The following SLC1A2 variants were observed in gnomAD, a reference collection of about 807,000 sequenced individuals.
The protein encoded by SLC1A2 is excitatory amino acid transporter 2.
SLC1A2 carries 15 observed loss-of-function variants against 48.8 expected under a neutral mutation model. The observed-to-expected ratio is 0.31, with a 90% CI of 0.21 to 0.47. The LOEUF (loss-of-function observed/expected upper bound fraction) is 0.47. Among genes scored for constraint, SLC1A2 ranks in the 20% least tolerant of loss-of-function variants. SLC1A2 has a pLI of 0.99. For missense variants in SLC1A2, 502 were observed against 730.5 expected, an observed-to-expected ratio of 0.69 and a Z score of 3.61; for synonymous variants, 279 against 272.6, an observed-to-expected ratio of 1.02 and a Z score of -0.23.
At chr11:35,398,804 C>T (rs949508140) in intron 1 of SLC1A2, among the ~76,000 whole-genome samples, 2 of 152,196 alleles carry the variant, frequency 1.3e-5, no homozygotes, top group Non-Finnish European at 2.9e-5. Context: ...GTAAAGGCTA[C>T]TCAAATACAT....
intron 1 of SLC1A2, among the ~76,000 whole-genome samples, chr11:35,378,332 C>T (rs1173020706): frequency 6.6e-6 from 1 of 152,250 alleles, no homozygotes; most frequent in African/African-American, 2.4e-5. Context: ...GACACCAGGG[C>T]CCTGCCTCCT....
In SLC1A2 at chr11:35,265,659, C is replaced by G; in HGVS notation, c.1521G>C (p.Gln507His). ...TTTCAATATCTTCATGCACTCGATG[C>G]TGGGAGTCAATGGTATCCAGCTCAG... ...SKSELDTIDSQHRVHEDIEMT... is the reference protein window; with the variant it reads ...SKSELDTIDSHHRVHEDIEMT... Residue 507 changes from glutamine (Q) to histidine (H), a missense_variant, in exon 10 of 11, where the codon CAG becomes CAC. Physicochemically the swap from Gln to His is conservative, Grantham distance 24 (BLOSUM62 0). Around this residue, in one of 4 missense-constraint regions of SLC1A2, gnomAD observed 102 missense variants for 107.2 expected, o/e 0.95. Transcript: ENST00000278379. 3.7e-6 allele frequency: 6 copies of G among 1,613,376 alleles called. No homozygotes were observed. Among genetic ancestry groups the G allele is most frequent in the Non-Finnish European group, 5.1e-6 (6 of 1,179,306 alleles).
chr11:35,265,801 T>C (rs370187837), intron 9 of SLC1A2, 43 bp from the exon 10 acceptor site: 3 of 1,279,284 alleles, frequency 2.3e-6, no homozygotes, highest in Non-Finnish European at 2.3e-6. Context: ...GAAGCAGTAT[T>C]ATGTGGTAGT....
At chr11:35,333,349 G>A (rs140540844) in intron 1 of SLC1A2, among the ~76,000 whole-genome samples, 3,420 of 151,840 alleles carry the variant, frequency 0.023, 114 homozygotes, top group African/African-American at 0.078. Context: ...CCTGGGAGGC[G>A]GAGGCAGCAG....
chr11:35,309,897 C>T lies in SLC1A2; in HGVS notation c.561+2301G>A, dbSNP rs115496816. 3.3e-5 allele frequency among the ~76,000 whole-genome samples: 5 copies of T among 152,138 alleles called. No homozygotes were observed. In the South Asian group the frequency reaches 8.3e-4, roughly 25 times the overall value. The stretch of plus-strand genomic sequence containing the variant: ...ATCCAAAGGGACCTTGATACTGAGC[C>T]TACTGAGGGACCAAGGCTCAGTCCT... On this transcript the variant is annotated intron_variant, in intron 4 of 10. Coordinates refer to ENST00000278379, the MANE Select transcript of SLC1A2 (RefSeq NM_004171.4).
chr11:35,316,384 CT>C (rs1851877651), intron 2 of SLC1A2: 1 of 151,954 alleles, frequency 6.6e-6, no homozygotes. Flanking sequence ...TTTTTTTCTT[CT>C]GCAGGTAAAA....
chr11:35,416,120 T>G (rs1855597858), intron 1 of SLC1A2, among the ~76,000 whole-genome samples: 1 of 152,228 alleles, frequency 6.6e-6, no homozygotes, highest in Non-Finnish European at 1.5e-5. Context: ...AGAAACTGGA[T>G]GCTAATAATC....
intron 1 of SLC1A2, among the ~76,000 whole-genome samples, chr11:35,406,370 G>A (rs142168549): frequency 6.6e-6 from 1 of 152,262 alleles, no homozygotes; most frequent in Non-Finnish European, 1.5e-5. Flanking sequence ...TGTAATTGAT[G>A]CAGTGAAGGA....
Position 35,409,780 on chromosome 11 carries a change from G to A in SLC1A2, c.17+9170C>T, listed in dbSNP as rs142597733. On this transcript the variant is annotated intron_variant, in intron 1 of 10. Coordinates refer to ENST00000278379, the MANE Select transcript of SLC1A2 (RefSeq NM_004171.4). ...AAAAATTAGCCAGGCATCGTGGTGC[G>A]TACCTGTAAACCCAGCTACTCAAGA... Among the ~76,000 whole-genome samples the A allele has an allele frequency of 5.1e-3, 773 of 152,230 alleles. 6 individuals carry two copies. The highest frequency in any genetic ancestry group is 0.017 in the African/African-American group (688 of 41,546).
intron 1 of SLC1A2, among the ~76,000 whole-genome samples, chr11:35,323,917 G>T (rs1194760765): frequency 6.6e-6 from 1 of 152,170 alleles, no homozygotes; most frequent in Non-Finnish European, 1.5e-5. Flanking sequence ...CTCAGGTCTA[G>T]ATTTCTAACA....
chr11:35,341,796 T>G (rs531124895), intron 1 of SLC1A2, among the ~76,000 whole-genome samples: 4 of 152,336 alleles, frequency 2.6e-5, no homozygotes, highest in African/African-American at 9.6e-5. Context: ...TGTGGATGTA[T>G]GTTCACAAAG....
intron 1 of SLC1A2, among the ~76,000 whole-genome samples, chr11:35,359,242 C>A (rs1320443): frequency 0.18 from 27,213 of 152,160 alleles, 3,123 homozygotes; most frequent in African/African-American, 0.31. Flanking sequence ...AAGACACTAA[C>A]ATTAGAACCT....
At position 35,370,039 on chromosome 11, in the gene SLC1A2, G is replaced by A. The variant is rs571417627; in HGVS notation, c.17+48911C>T. 3.3e-5 allele frequency among the ~76,000 whole-genome samples: 5 copies of A among 152,320 alleles called. No individual in the cohort carries two copies. In the South Asian group the frequency reaches 6.2e-4, roughly 19 times the overall value. On this transcript the variant is annotated intron_variant, in intron 1 of 10. Coordinates refer to ENST00000278379, the MANE Select transcript of SLC1A2 (RefSeq NM_004171.4). The stretch of plus-strand genomic sequence containing the variant: ...GGCAGAACAGTGTGGGCAAAGGCAT[G>A]AAGGGAAAAGTATACGTGACCCTCC...
At chr11:35,358,437 T>C (rs1220455596) in intron 1 of SLC1A2, among the ~76,000 whole-genome samples, 3 of 152,150 alleles carry the variant, frequency 2.0e-5, no homozygotes, top group South Asian at 2.1e-4. Flanking sequence ...ACAGGAGAAA[T>C]AGGCCAAAAT....
rs116309075 is a variant in SLC1A2, at chr11:35,301,990, C to T, written c.731-345G>A. Among the ~76,000 whole-genome samples the T allele has an allele frequency of 2.0e-3, 309 of 152,242 alleles. 1 individual carries two copies. Among genetic ancestry groups the T allele is most frequent in the African/African-American group, 6.8e-3 (281 of 41,536 alleles). On this transcript the variant is annotated intron_variant, in intron 5 of 10. Coordinates refer to ENST00000278379, the MANE Select transcript of SLC1A2 (RefSeq NM_004171.4). Reference sequence around the variant, plus strand: ...CAGATTCCTTTATTACACAGATTAACGAGGAAAAGCCTGTTGGGACTTGGG... The same window carrying T: ...CAGATTCCTTTATTACACAGATTAATGAGGAAAAGCCTGTTGGGACTTGGG...
At chr11:35,347,584 T>C (rs919568944) in intron 1 of SLC1A2, among the ~76,000 whole-genome samples, 3 of 152,240 alleles carry the variant, frequency 2.0e-5, no homozygotes, top group African/African-American at 7.2e-5. Flanking sequence ...AATTAAGAAG[T>C]GGACATATGC....
chr11:35,360,006 C>T (rs903724068), intron 1 of SLC1A2: 2 of 817,914 alleles, frequency 2.4e-6, no homozygotes, highest in Non-Finnish European at 3.0e-6. Flanking sequence ...CTCATCACCC[C>T]TCACAACCCA....
intron 4 of SLC1A2, among the ~76,000 whole-genome samples, chr11:35,311,893 G>GAGAGAGAGAGAGAGA (rs1565233363): frequency 1.4e-5 from 1 of 69,270 alleles, no homozygotes; most frequent in South Asian, 5.8e-4. Flanking sequence ...AGAGAGAGAG[G>GAGAGAGAGAGAGAGA]GAGGGAGAGA....
intron 8 of SLC1A2, among the ~76,000 whole-genome samples, chr11:35,284,440 A>G (rs1850747845): frequency 6.6e-6 from 1 of 152,066 alleles, no homozygotes; most frequent in Non-Finnish European, 1.5e-5. Context: ...TTCCTTATCT[A>G]TGTATAAGGT....
Sources: gnomAD v4.1 joint callset for allele counts (sites outside exome capture counted in the v4.1 genomes callset) on GRCh38, gnomAD v4.1.1 for gene constraint, gnomAD v4.1.1 regional missense constraint, MANE v1.5 for transcripts, NCBI Gene and HGNC (gene_info 2026-07-23, HGNC 2026-07-21) for gene names.